Variants in MCC observed in about 807,000 individuals in gnomAD.
The protein encoded by MCC is colorectal mutant cancer protein.
In MCC, 90 loss-of-function variants were observed where a neutral mutation model predicts 116.2. The observed-to-expected ratio is 0.77, with a 90% CI of 0.65 to 0.92. The LOEUF (loss-of-function observed/expected upper bound fraction) is 0.92. Ranked by LOEUF, MCC falls within the 40% of genes least tolerant of loss-of-function variation. The pLI, the probability that MCC is intolerant of heterozygous loss-of-function variation, is 0.00. For missense variants in MCC, 1,516 were observed against 1,312.2 expected (o/e 1.16, Z -2.40); for synonymous variants, 578 against 510.5 (o/e 1.13, Z -1.78).
chr5:113,359,533 G>C (rs1427718805), intron 2 of MCC, among the ~76,000 whole-genome samples: 2 of 152,216 alleles, frequency 1.3e-5, no homozygotes, highest in Non-Finnish European at 1.5e-5. Context: ...TCTTCATCAA[G>C]TTTAATATAA....
rs747838302 is a variant in MCC at position 113,143,267 on chromosome 5, T to A, written c.835A>T (p.Ile279Phe). The A allele has an allele frequency of 1.2e-6, 2 of 1,613,268 alleles. No individual in the cohort carries two copies. Among genetic ancestry groups the A allele is most frequent in the Admixed American group, 1.7e-5 (1 of 59,826 alleles). ...TCTATCTTCTTGTTGAGCTCCGCAA[T>A]GACGCTGTGGAGCTCTGTGATGCGT... is the stretch of plus-strand genomic sequence containing the variant. The part of the protein sequence containing the change: ...EERITELHSV[I>F]AELNKKIDRL... The change falls in exon 5 of 19, where the codon ATT becomes TTT. Residue 279 changes from isoleucine to phenylalanine, a missense_variant. Physicochemically the swap from Ile to Phe is conservative, Grantham distance 21. Transcript: ENST00000408903.
At chr5:113,169,952 C>T (rs568127429) in intron 3 of MCC, among the ~76,000 whole-genome samples, 2 of 152,304 alleles carry the variant, frequency 1.3e-5, no homozygotes, top group Admixed American at 1.3e-4. Flanking sequence ...TTATGCATTG[C>T]TCAACTTCAC....
chr5:113,206,454 C>T (rs979090398), intron 3 of MCC, among the ~76,000 whole-genome samples: 1 of 152,230 alleles, frequency 6.6e-6, no homozygotes, highest in Non-Finnish European at 1.5e-5. Context: ...GTAGCTCACG[C>T]CTATAATCCC....
chr5:113,375,821 A>T (rs1246389485), intron 2 of MCC, among the ~76,000 whole-genome samples: 1 of 85,438 alleles, frequency 1.2e-5, no homozygotes, highest in Non-Finnish European at 2.1e-5. Flanking sequence ...TTCCTGTGAC[A>T]TTTTATTTTC....
chr5:113,198,536 A>G (rs1279617984), intron 3 of MCC, among the ~76,000 whole-genome samples: 1 of 101,650 alleles, frequency 9.8e-6, no homozygotes, highest in Non-Finnish European at 1.8e-5. Flanking sequence ...CCCTACAAAT[A>G]ATTAAAAAAA....
chr5:113,239,868 C>A (rs1290924035), intron 3 of MCC, among the ~76,000 whole-genome samples: 2 of 152,140 alleles, frequency 1.3e-5, no homozygotes, highest in Non-Finnish European at 2.9e-5. Flanking sequence ...CAGGTCCTGT[C>A]AGTTTCTGAT....
intron 5 of MCC, among the ~76,000 whole-genome samples, chr5:113,129,212 G>A (rs1211766313): frequency 6.6e-6 from 1 of 152,154 alleles, no homozygotes; most frequent in East Asian, 1.9e-4. Flanking sequence ...TAGGATAGGA[G>A]CCCAGGCTGA....
intron 6 of MCC, among the ~76,000 whole-genome samples, chr5:113,116,662 A>G (rs1357351379): frequency 1.3e-5 from 2 of 152,202 alleles, no homozygotes; most frequent in Non-Finnish European, 2.9e-5. Flanking sequence ...GAATTTGGGG[A>G]AAATATTCCA....
rs760818218 is a variant in MCC at position 113,340,738 on chromosome 5, C to T, written c.416-8G>A. The T allele has an allele frequency of 5.1e-5, 82 of 1,611,338 alleles. No homozygotes were observed. The highest frequency in any genetic ancestry group is 6.7e-5 in the Non-Finnish European group (79 of 1,178,964). ...TGGCTGCTGATAAGGCACCTAAGTC[C>T]GAGAGAAGCAGAGAAAATGAAAAGA... On this transcript the variant is annotated splice_polypyrimidine_tract_variant and splice_region_variant and intron_variant, in intron 2 of 18. Coordinates refer to ENST00000408903, the MANE Select transcript of MCC (RefSeq NM_001085377.2).
chr5:113,405,997 C>G (rs1009822790), intron 1 of MCC, among the ~76,000 whole-genome samples: 1 of 152,060 alleles, frequency 6.6e-6, no homozygotes, highest in African/African-American at 2.4e-5. Flanking sequence ...TACTCCATCC[C>G]CCTTCTAAAT....
chr5:113,114,953 C>T (rs1278333843), intron 6 of MCC, among the ~76,000 whole-genome samples: 1 of 149,132 alleles, frequency 6.7e-6, no homozygotes, highest in East Asian at 1.9e-4. Context: ...CACTGACCCT[C>T]TGCCTTCAGT....
chr5:113,418,022 A>C (rs1017478685), intron 1 of MCC, among the ~76,000 whole-genome samples: 7 of 152,046 alleles, frequency 4.6e-5, no homozygotes, highest in African/African-American at 1.7e-4. Context: ...AATACTACAG[A>C]ATTTAGAAGG....
At chr5:113,095,898 C>G (rs1755976518) in intron 8 of MCC, among the ~76,000 whole-genome samples, 1 of 152,030 alleles carries the variant, frequency 6.6e-6, no homozygotes, top group Non-Finnish European at 1.5e-5. Flanking sequence ...AAAAATAAGC[C>G]CTACTGAGCT....
intron 5 of MCC, among the ~76,000 whole-genome samples, chr5:113,123,452 T>G (rs1051909984): frequency 2.0e-5 from 3 of 152,228 alleles, no homozygotes; most frequent in Non-Finnish European, 4.4e-5. Flanking sequence ...GAACACTGAA[T>G]GAGAGAACAC....
rs1770804873 is a variant in MCC at position 113,434,951 on chromosome 5, C to A, written c.171-49739G>T. 10 of 1,309,858 alleles carry A rather than the reference C, an allele frequency of 7.6e-6. No homozygotes were observed. In the Admixed American group the frequency reaches 1.3e-4, roughly 17 times the overall value. The allele number at this position is 1,309,858 out of a possible 1,614,324, so 81.1% of individuals were successfully genotyped here. ...TAGAGAGTCCTTTGGGCTGGCCAGG[C>A]CTGCTGTTCCTGCCTCCTAGAGGCC... is the stretch of plus-strand genomic sequence containing the variant. On this transcript the variant is annotated intron_variant, in intron 1 of 18. Transcript: ENST00000408903. The surrounding 1 kb of genome is among the most constrained non-coding windows in gnomAD (Gnocchi z 4.2).
chr5:113,304,501 A>G (rs552908860), intron 3 of MCC, among the ~76,000 whole-genome samples: 3 of 152,168 alleles, frequency 2.0e-5, no homozygotes, highest in Non-Finnish European at 4.4e-5. Flanking sequence ...TGGCATCAAC[A>G]TCTCCGACAT....
At chr5:113,169,500 G>T (rs2150302524) in intron 3 of MCC, among the ~76,000 whole-genome samples, 1 of 152,188 alleles carries the variant, frequency 6.6e-6, no homozygotes, top group South Asian at 2.1e-4. Flanking sequence ...TAGATAATTG[G>T]GTGGAGATGA....
intron 3 of MCC, among the ~76,000 whole-genome samples, chr5:113,315,180 T>G (rs1767247845): frequency 6.6e-6 from 1 of 152,224 alleles, no homozygotes; most frequent in Non-Finnish European, 1.5e-5. Flanking sequence ...GAGAAGATGT[T>G]AAATATAAAT....
intron 3 of MCC, among the ~76,000 whole-genome samples, chr5:113,191,896 C>G (rs1001875914): frequency 6.6e-6 from 1 of 152,130 alleles, no homozygotes; most frequent in Non-Finnish European, 1.5e-5. Flanking sequence ...ACTGATTCAA[C>G]AGAAAATTCT....
Sources: gnomAD v4.1 joint callset for allele counts (sites outside exome capture counted in the v4.1 genomes callset) on GRCh38, gnomAD v4.1.1 for gene constraint, Gnocchi (gnomAD v3.1) non-coding constraint, MANE v1.5 for transcripts, NCBI Gene and HGNC (gene_info 2026-07-23, HGNC 2026-07-21) for gene names.